PDE7A: variants seen among roughly 807,000 people sequenced by gnomAD.
PDE7A encodes the protein high affinity 3',5'-cyclic-AMP phosphodiesterase 7A.
A neutral mutation model predicts 64.3 loss-of-function variants in PDE7A; 39 were observed. That is an observed-to-expected ratio of 0.61 (90% confidence interval 0.47 to 0.79). PDE7A has a LOEUF of 0.79. PDE7A is among the 30% of genes least tolerant of loss of function. The probability of loss-of-function intolerance (pLI) is 0.00; values close to 1 mark genes in which losing one functional copy is unlikely to be tolerated. For missense variants in PDE7A, 470 were observed against 582.8 expected (o/e 0.81, Z 1.99); for synonymous variants, 203 against 206.8 (o/e 0.98, Z 0.16).
intron 3 of PDE7A, among the ~76,000 whole-genome samples, chr8:65,763,148 A>G (rs1808596738): frequency 6.6e-6 from 1 of 152,116 alleles, no homozygotes; most frequent in South Asian, 2.1e-4. Context: ...TTCCCTCCCA[A>G]AAGAATTGCT....
At chr8:65,732,459 G>C (rs1435735263) in intron 7 of PDE7A, among the ~76,000 whole-genome samples, 1 of 152,222 alleles carries the variant, frequency 6.6e-6, no homozygotes, top group Non-Finnish European at 1.5e-5. Context: ...GATGCTCAAA[G>C]AGTATAAAAC....
intron 1 of PDE7A, among the ~76,000 whole-genome samples, chr8:65,801,378 C>T (rs962599804): frequency 6.6e-6 from 1 of 152,036 alleles, no homozygotes; most frequent in Non-Finnish European, 1.5e-5. Flanking sequence ...ATTATTCTGA[C>T]AAAAACAGTA....
chr8:65,779,827 A>C, intron 2 of PDE7A, 24 bp from the exon 3 acceptor site: 2 of 1,464,348 alleles, frequency 1.4e-6, no homozygotes, highest in Non-Finnish European at 1.9e-6. Flanking sequence ...AGAATAAAAC[A>C]TAAGTTTAGA....
At chr8:65,787,629 T>G (rs1455374627) in intron 1 of PDE7A, among the ~76,000 whole-genome samples, 1 of 152,150 alleles carries the variant, frequency 6.6e-6, no homozygotes, top group Non-Finnish European at 1.5e-5. Context: ...TTAAAAACAA[T>G]TTAATTTTTT....
intron 7 of PDE7A, among the ~76,000 whole-genome samples, chr8:65,731,995 G>T (rs1002553694): frequency 3.3e-5 from 5 of 151,352 alleles, no homozygotes; most frequent in Non-Finnish European, 5.9e-5. Context: ...TATTGTTGTT[G>T]TTGTTGTTGT....
In PDE7A at chr8:65,782,811, A is replaced by G. The variant is rs1809453158; in HGVS notation, c.171T>C (p.Asp57=). ...GCATACGAATGTATAATGCAGTCTGATCAGAACTGTCATAGGAAATAGCTC... is the reference window on the plus strand; with the variant it reads ...GCATACGAATGTATAATGCAGTCTGGTCAGAACTGTCATAGGAAATAGCTC... ...RRGAISYDSS[D]QTALYIRMLG... is the part of the protein sequence containing the mutation. The change falls in exon 2 of 13, where the codon GAT becomes GAC. Residue 57 remains aspartate, a synonymous_variant. Transcript: ENST00000401827. 3.1e-6 allele frequency: 5 copies of G among 1,593,160 alleles called. No individual in the cohort carries two copies. Among genetic ancestry groups the G allele is most frequent in the Non-Finnish European group, 4.3e-6 (5 of 1,162,040 alleles).
intron 1 of PDE7A, among the ~76,000 whole-genome samples, chr8:65,824,150 T>G (rs754107450): frequency 1.3e-5 from 2 of 152,222 alleles, no homozygotes; most frequent in Non-Finnish European, 2.9e-5. Flanking sequence ...ATCTGCTCAC[T>G]TCTTATCTCT....
At chr8:65,729,047 C>T (rs893566593) in intron 7 of PDE7A, among the ~76,000 whole-genome samples, 3 of 151,818 alleles carry the variant, frequency 2.0e-5, no homozygotes, top group Non-Finnish European at 4.4e-5. Context: ...AATATTATAA[C>T]AAAGACAAGG....
chr8:65,841,371 C>A lies in PDE7A; in HGVS notation c.138G>T (p.Gln46His). The change falls in exon 1 of 13, where the codon CAG becomes CAT. Residue 46 changes from glutamine to histidine, a missense_variant and splice_region_variant. Coordinates refer to ENST00000401827, the MANE Select transcript of PDE7A (RefSeq NM_001242318.3). ...FGCPNPRQLS[Q>H]RRGAISYDSS... ...GTGTGGGCCCGGCGGCGGCGATTAC[C>A]TGAGAGAGCTGCCGGGGATTGGGGC... The A allele has an allele frequency of 6.5e-7, 1 of 1,549,602 alleles. No homozygotes were observed. The highest frequency in any genetic ancestry group is 8.7e-7 in the Non-Finnish European group (1 of 1,152,480).
chr8:65,839,427 T>C (rs1811024552), intron 1 of PDE7A, among the ~76,000 whole-genome samples: 1 of 151,566 alleles, frequency 6.6e-6, no homozygotes, highest in Non-Finnish European at 1.5e-5. Flanking sequence ...CAAATTCACA[T>C]CTAGGCCTAA....
chr8:65,786,231 T>C (rs1424069177), intron 1 of PDE7A, among the ~76,000 whole-genome samples: 1 of 152,174 alleles, frequency 6.6e-6, no homozygotes, highest in African/African-American at 2.4e-5. Flanking sequence ...AGTCTACAAA[T>C]ACTTAGCTTA....
intron 1 of PDE7A, among the ~76,000 whole-genome samples, chr8:65,806,769 G>T (rs905840203): frequency 6.6e-6 from 1 of 152,182 alleles, no homozygotes; most frequent in Non-Finnish European, 1.5e-5. Flanking sequence ...TGGCTGTCCA[G>T]TTGTTTAGCA....
chr8:65,837,865 A>G (rs1810984264), intron 1 of PDE7A, among the ~76,000 whole-genome samples: 1 of 152,332 alleles, frequency 6.6e-6, no homozygotes, highest in Middle Eastern at 3.4e-3. Flanking sequence ...AAATAATAGC[A>G]GGCTGTCTCC....
rs1370192606 is a variant in PDE7A, at chr8:65,719,253, A to T, written c.*37T>A. ...AAGACCCCATTTCACATTTCTAAAA[A>T]CCTCCAGGAGGCAGTTTGTCCCACT... On this transcript the variant is annotated 3_prime_UTR_variant, in exon 13 of 13. Coordinates refer to ENST00000401827, the MANE Select transcript of PDE7A (RefSeq NM_001242318.3). 1 of 1,465,272 alleles carries T rather than the reference A, an allele frequency of 6.8e-7. No individual in the cohort carries two copies. Among genetic ancestry groups the T allele is most frequent in the Non-Finnish European group, 9.6e-7 (1 of 1,044,582 alleles). The allele number at this position is 1,465,272 out of a possible 1,614,324, so 90.8% of individuals were successfully genotyped here.
chr8:65,819,737 C>T (rs1387060305), intron 1 of PDE7A, among the ~76,000 whole-genome samples: 1 of 152,208 alleles, frequency 6.6e-6, no homozygotes, highest in Non-Finnish European at 1.5e-5. Flanking sequence ...AATTGTGGCA[C>T]ACTACTAGTT....
intron 1 of PDE7A, among the ~76,000 whole-genome samples, chr8:65,819,140 T>C (rs188172386): frequency 6.6e-6 from 1 of 152,328 alleles, no homozygotes; most frequent in Admixed American, 6.5e-5. Context: ...CTCATGTCTG[T>C]TATGCAGGCA....
chr8:65,779,186 C>T (rs987952908), intron 3 of PDE7A, among the ~76,000 whole-genome samples: 2 of 152,174 alleles, frequency 1.3e-5, no homozygotes, highest in Non-Finnish European at 2.9e-5. Flanking sequence ...TGGAACTCCT[C>T]CAGAAACAGA....
At chr8:65,728,026 A>G (rs1013684507) in intron 7 of PDE7A, 2 of 152,224 alleles carry the variant, frequency 1.3e-5, no homozygotes, top group Non-Finnish European at 2.9e-5. Flanking sequence ...CACCTTGACT[A>G]TATCATCTGC....
chr8:65,730,853 G>A (rs192708282), intron 7 of PDE7A, among the ~76,000 whole-genome samples: 1 of 152,338 alleles, frequency 6.6e-6, no homozygotes, highest in East Asian at 1.9e-4. Context: ...AACCCAGGAG[G>A]TGGAGGTTGC....
Sources: allele counts gnomAD v4.1 joint callset (sites outside exome capture counted in the v4.1 genomes callset), GRCh38; gene constraint gnomAD v4.1.1; transcripts MANE v1.5; gene names NCBI Gene and HGNC (gene_info 2026-07-23, HGNC 2026-07-21).